Variants in SIM2 observed in about 807,000 individuals in gnomAD.
SIM2 encodes the protein single-minded homolog 2.
A neutral mutation model predicts 64.8 loss-of-function variants in SIM2; 28 were observed. The observed-to-expected ratio is 0.43, with a 90% CI of 0.32 to 0.59. The LOEUF is 0.59. Ranked by LOEUF, SIM2 falls within the 20% of genes least tolerant of loss-of-function variation. SIM2 has a pLI of 0.07. For missense variants in SIM2, 847 were observed against 871.4 expected (o/e 0.97, Z 0.35); for synonymous variants, 408 against 391.1 (o/e 1.04, Z -0.51).
intron 1 of SIM2, among the ~76,000 whole-genome samples, chr21:36,703,406 C>T (rs2088534107): frequency 1.3e-5 from 2 of 152,264 alleles, no homozygotes; most frequent in South Asian, 2.1e-4. Context: ...AGGGTGAGGT[C>T]CCACAAGCAA....
chr21:36,728,537 G>A (rs1411421430), intron 6 of SIM2, among the ~76,000 whole-genome samples: 1 of 152,230 alleles, frequency 6.6e-6, no homozygotes. Context: ...GGTCTTGAAG[G>A]AGACATCCTG....
intron 7 of SIM2, among the ~76,000 whole-genome samples, chr21:36,734,469 C>T (rs1234228938): frequency 6.6e-5 from 10 of 152,164 alleles, no homozygotes; most frequent in Non-Finnish European, 1.2e-4. Flanking sequence ...TGCTACTGTC[C>T]TGTGACTCTG....
rs376845812 is a variant in SIM2 at position 36,745,235 on chromosome 21, C to A, written c.1576+99C>A. 1.6e-5 allele frequency: 23 copies of A among 1,482,428 alleles called. No homozygotes were observed. Among genetic ancestry groups the A allele is most frequent in the African/African-American group, 4.2e-5 (3 of 70,912 alleles). 91.8% of individuals were successfully genotyped at this position (1,482,428 alleles called of 1,614,324 possible). On this transcript the variant is annotated intron_variant, in intron 10 of 10. Coordinates refer to ENST00000290399, the MANE Select transcript of SIM2 (RefSeq NM_005069.6). This position sits in a 1 kb window ranked among gnomAD's most constrained non-coding sequence, Gnocchi z 4.8. The stretch of plus-strand genomic sequence containing the variant: ...GTGGCAGATGGAGACAGAACCCTCA[C>A]GCTTTGGGCAAACTTGCCCTCTTTC...
chr21:36,705,371 C>A (rs752618941), intron 1 of SIM2, among the ~76,000 whole-genome samples: 4 of 152,226 alleles, frequency 2.6e-5, no homozygotes, highest in Non-Finnish European at 5.9e-5. Context: ...TGGCCGGCAA[C>A]GCGCCGAGGT....
At chr21:36,736,510 T>C (rs905714714) in intron 7 of SIM2, among the ~76,000 whole-genome samples, 1 of 152,110 alleles carries the variant, frequency 6.6e-6, no homozygotes, top group Admixed American at 6.5e-5. Context: ...GAGAAAGAAC[T>C]CCCAGCCTCC....
chr21:36,720,074 G>A, intron 4 of SIM2, 145 bp downstream of exon 4: 1 of 620,874 alleles, frequency 1.6e-6, no homozygotes, highest in South Asian at 1.9e-5. Flanking sequence ...TACACACACA[G>A]CACCCACCAC....
intron 6 of SIM2, among the ~76,000 whole-genome samples, chr21:36,730,671 C>T (rs1011104784): frequency 2.6e-5 from 4 of 152,170 alleles, no homozygotes; most frequent in African/African-American, 9.7e-5. Context: ...CACACAGGAC[C>T]GTCCCCCCGA....
intron 3 of SIM2, 90 bp from the exon 4 acceptor site, chr21:36,719,731 C>A: frequency 2.6e-6 from 2 of 755,560 alleles, no homozygotes. Context: ...CTGTTCCTGG[C>A]AGGGTGAGCA....
rs2088892856 is a variant in SIM2 at position 36,726,490 on chromosome 21, G to T, written c.743+172G>T. Among the ~76,000 whole-genome samples the T allele has an allele frequency of 6.6e-6, 1 of 152,226 alleles. No individual in the cohort carries two copies. Among genetic ancestry groups the T allele is most frequent in the African/African-American group, 2.4e-5 (1 of 41,464 alleles). ...CTGAAAGAACATATGTCAGCCTTAG[G>T]ACTCAAGGGCTTGTTTTACTTTATT... On this transcript the variant is annotated intron_variant, in intron 6 of 10. Coordinates refer to ENST00000290399, the MANE Select transcript of SIM2 (RefSeq NM_005069.6). This position sits in a 1 kb window ranked among gnomAD's most constrained non-coding sequence, Gnocchi z 4.5.
Position 36,731,051 on chromosome 21 carries a change from C to T in SIM2, c.750C>T (p.Thr250=), listed in dbSNP as rs572270415. 15 of 1,613,348 alleles carry T rather than the reference C, an allele frequency of 9.3e-6. 1 individual carries two copies. The highest frequency in any genetic ancestry group is 1.6e-4 in the Middle Eastern group (1 of 6,080). The change falls in exon 7 of 11, where the codon ACC becomes ACT. Residue 250 remains threonine, a synonymous_variant. Transcript: ENST00000290399. ...AGCTGCCATGCCCCCACAGGGTGAC[C>T]GAGGTGACGGGGTACGAGCCGCAGG... is the stretch of plus-strand genomic sequence containing the variant. ...LKLIFLDSRV[T]EVTGYEPQDL... is the part of the protein sequence containing the mutation.
chr21:36,699,769 C>A lies in SIM2; in HGVS notation c.23C>A (p.Ala8Glu), dbSNP rs1404292148. MKEKSKNAAKTRREKENG... is the reference protein window; with the variant it reads MKEKSKNEAKTRREKENG... ...GCGATGAAGGAGAAGTCCAAGAATG[C>A]GGCCAAGACCAGGAGGGAGAAGGAA... The change falls in exon 1 of 11, where the codon GCG becomes GAG. Residue 8 changes from alanine to glutamate, a missense_variant. Physicochemically the swap from Ala to Glu is moderately radical, Grantham distance 107. Coordinates refer to ENST00000290399, the MANE Select transcript of SIM2 (RefSeq NM_005069.6). The surrounding 1 kb of genome is among the most constrained non-coding windows in gnomAD (Gnocchi z 5.6). 2 of 1,612,558 alleles carry A rather than the reference C, an allele frequency of 1.2e-6. No individual in the cohort carries two copies. Among genetic ancestry groups the A allele is most frequent in the Non-Finnish European group, 1.7e-6 (2 of 1,179,224 alleles).
chr21:36,727,375 G>A (rs781294897), intron 6 of SIM2, among the ~76,000 whole-genome samples: 9 of 152,290 alleles, frequency 5.9e-5, no homozygotes, highest in South Asian at 2.1e-4. Flanking sequence ...CGCTAACTGC[G>A]TTTGGTTTTC....
intron 3 of SIM2, among the ~76,000 whole-genome samples, chr21:36,718,567 A>G (rs1028656623): frequency 3.3e-5 from 5 of 152,126 alleles, no homozygotes; most frequent in African/African-American, 1.2e-4. Context: ...AATTCTCCAG[A>G]CCTACCCAAG....
In SIM2 at chr21:36,749,362, A is replaced by G. The variant is rs1282159098; in HGVS notation, c.*1270A>G. The stretch of plus-strand genomic sequence containing the variant: ...TAGGAAACTTTTTCCACCTTTCTGA[A>G]TGGAAAGAGGTTTTCACAAATGTTT... On this transcript the variant is annotated 3_prime_UTR_variant, in exon 11 of 11. Transcript: ENST00000290399. 1 of 152,288 alleles carries G rather than the reference A, an allele frequency of 6.6e-6. No homozygotes were observed. Among genetic ancestry groups the G allele is most frequent in the Non-Finnish European group, 1.5e-5 (1 of 68,032 alleles). The allele number at this position is 152,288 out of a possible 1,614,324, so 9.4% of individuals were successfully genotyped here. A position where few individuals can be genotyped will look rare whatever the true frequency, so the allele number is the denominator to read the frequency against.
At position 36,745,153 on chromosome 21, in the gene SIM2, C is replaced by T. The variant is rs757506420; in HGVS notation, c.1576+17C>T. On this transcript the variant is annotated intron_variant, in intron 10 of 10. Transcript: ENST00000290399. This position sits in a 1 kb window ranked among gnomAD's most constrained non-coding sequence, Gnocchi z 4.8. Reference sequence around the variant, plus strand: ...GCTACGAAGGTGGGTCAGGTCTGCTCGTGGGGAAGGTGGGAGGACTGCGCA... The same window carrying T: ...GCTACGAAGGTGGGTCAGGTCTGCTTGTGGGGAAGGTGGGAGGACTGCGCA... 3.1e-5 allele frequency: 49 copies of T among 1,600,414 alleles called. No homozygotes were observed. The highest frequency in any genetic ancestry group is 1.7e-4 in the Middle Eastern group (1 of 6,046).
chr21:36,745,369 GC>G lies in SIM2; in HGVS notation c.1576+234del, dbSNP rs1250784128. ...GGGGACACTAGTGACAGTATAAAGG[GC>G]AAAGGAAAACCGAGTATCTGGCCTT... On this transcript the variant is annotated intron_variant, in intron 10 of 10. Transcript: ENST00000290399. The surrounding 1 kb of genome is among the most constrained non-coding windows in gnomAD (Gnocchi z 4.8). The G allele has an allele frequency of 7.1e-7, 1 of 1,404,676 alleles. No individual in the cohort carries two copies. The highest frequency in any genetic ancestry group is 1.5e-5 in the African/African-American group (1 of 68,858). 87.0% of individuals were successfully genotyped at this position (1,404,676 alleles called of 1,614,324 possible). A position where few individuals can be genotyped will look rare whatever the true frequency, so the allele number is the denominator to read the frequency against.
intron 7 of SIM2, among the ~76,000 whole-genome samples, chr21:36,733,918 GC>G (rs1224835965): frequency 6.6e-6 from 1 of 152,186 alleles, no homozygotes; most frequent in African/African-American, 2.4e-5. Context: ...CCACAGTGGT[GC>G]TCAGTCAGTG....
chr21:36,748,377 G>T lies in SIM2; in HGVS notation c.*285G>T. 5.9e-6 allele frequency: 1 copy of T among 169,100 alleles called. No individual in the cohort carries two copies. The highest frequency in any genetic ancestry group is 1.3e-5 in the Non-Finnish European group (1 of 78,974). 10.5% of individuals were successfully genotyped at this position (169,100 alleles called of 1,614,324 possible). On this transcript the variant is annotated 3_prime_UTR_variant, in exon 11 of 11. Transcript: ENST00000290399. ...TCCTCACCTTGAAATCGGGCTTCAC[G>T]CGTCTTGCCTTGTCCCCAACGTTCC...
intron 7 of SIM2, among the ~76,000 whole-genome samples, chr21:36,734,910 T>C (rs2089022360): frequency 6.6e-6 from 1 of 152,100 alleles, no homozygotes; most frequent in Non-Finnish European, 1.5e-5. Context: ...GGGTGGCACC[T>C]GTTTGATTTC....
Sources: allele counts gnomAD v4.1 joint callset (sites outside exome capture counted in the v4.1 genomes callset), GRCh38; gene constraint gnomAD v4.1.1; non-coding constraint Gnocchi (gnomAD v3.1); transcripts MANE v1.5; gene names NCBI Gene and HGNC (gene_info 2026-07-23, HGNC 2026-07-21).